DIP2C: variants seen among roughly 807,000 people sequenced by gnomAD.
DIP2C encodes the protein disco-interacting protein 2 homolog C.
Under a neutral mutation model 192.4 loss-of-function variants are expected in DIP2C, and 33 were observed. The observed-to-expected ratio is 0.17, with a 90% CI of 0.13 to 0.23. The LOEUF (loss-of-function observed/expected upper bound fraction) is 0.23. Among genes scored for constraint, DIP2C ranks in the 10% least tolerant of loss-of-function variants. DIP2C has a pLI of 1.00. For missense variants in DIP2C, 1,537 were observed against 2,110.1 expected, an observed-to-expected ratio of 0.73 and a Z score of 5.32; for synonymous variants, 979 against 864.1, an observed-to-expected ratio of 1.13 and a Z score of -2.33.
chr10:508,632 T>TG (rs1845793669), intron 1 of DIP2C, among the ~76,000 whole-genome samples: 1 of 152,114 alleles, frequency 6.6e-6, no homozygotes, highest in Non-Finnish European at 1.5e-5. Flanking sequence ...GAGTGGCTGA[T>TG]GGACAAGTGT....
intron 1 of DIP2C, among the ~76,000 whole-genome samples, chr10:558,651 G>A (rs1046701337): frequency 5.3e-5 from 8 of 152,300 alleles, no homozygotes; most frequent in East Asian, 1.9e-4. Flanking sequence ...CTGAAAGTGT[G>A]TTTCTGAGAA....
At chr10:659,600 C>T (rs1199063467) in intron 1 of DIP2C, among the ~76,000 whole-genome samples, 1 of 152,208 alleles carries the variant, frequency 6.6e-6, no homozygotes, top group Non-Finnish European at 1.5e-5. Context: ...TGCCTGAAGA[C>T]CCTCTTCTGT....
chr10:579,920 A>G (rs1378553264), intron 1 of DIP2C, among the ~76,000 whole-genome samples: 1 of 152,076 alleles, frequency 6.6e-6, no homozygotes, highest in African/African-American at 2.4e-5. Context: ...CATACAATGT[A>G]CATATAGGTA....
At chr10:387,042 T>G (rs1399774571) in intron 14 of DIP2C, among the ~76,000 whole-genome samples, 1 of 152,180 alleles carries the variant, frequency 6.6e-6, no homozygotes, top group East Asian at 1.9e-4. Flanking sequence ...TGGAAACTAC[T>G]TTCCCCCGCA....
chr10:590,829 G>A (rs566529953), intron 1 of DIP2C, among the ~76,000 whole-genome samples: 9 of 152,136 alleles, frequency 5.9e-5, no homozygotes, highest in East Asian at 5.8e-4. Flanking sequence ...GGTCTCCACC[G>A]CACCAGAGCC....
intron 1 of DIP2C, among the ~76,000 whole-genome samples, chr10:517,830 G>C (rs1211460386): frequency 6.6e-6 from 1 of 152,126 alleles, no homozygotes; most frequent in South Asian, 2.1e-4. Context: ...TTCTCATCTG[G>C]TGCTTTTTAA....
At chr10:399,382 G>A (rs897338331) in intron 9 of DIP2C, among the ~76,000 whole-genome samples, 163 bp from the exon 10 acceptor site, 12 of 152,228 alleles carry the variant, frequency 7.9e-5, no homozygotes, top group African/African-American at 2.9e-4. Context: ...TCACACACCC[G>A]GCCTTGAATT....
intron 1 of DIP2C, among the ~76,000 whole-genome samples, chr10:604,225 T>C (rs1226938803): frequency 6.6e-6 from 1 of 152,088 alleles, no homozygotes; most frequent in African/African-American, 2.4e-5. Context: ...GTAAACTTCA[T>C]TACACTAACA....
At chr10:532,509 G>A (rs750990953) in intron 1 of DIP2C, among the ~76,000 whole-genome samples, 3 of 152,034 alleles carry the variant, frequency 2.0e-5, no homozygotes, top group Admixed American at 6.6e-5. Context: ...ATTTAGAATT[G>A]GTATTTTGTG....
chr10:297,280 C>G (rs1418169247), intron 32 of DIP2C, among the ~76,000 whole-genome samples: 1 of 116,216 alleles, frequency 8.6e-6, no homozygotes, highest in African/African-American at 3.4e-5. Flanking sequence ...ACACACCAAA[C>G]TACGAACAGA....
In DIP2C at chr10:486,418, G is replaced by A. The variant is rs762786106; in HGVS notation, c.157+41C>T. On this transcript the variant is annotated intron_variant, in intron 2 of 36. Transcript: ENST00000280886. ...TGTTTCTCTGGCACATAGTGAATGC[G>A]GGAAATGAGAGGACTCATGCTACTC... 40 of 1,525,542 alleles carry A rather than the reference G, an allele frequency of 2.6e-5. No homozygotes were observed. The East Asian group carries it at 3.1e-4, about 12-fold the overall frequency. The allele number at this position is 1,525,542 out of a possible 1,614,324, so 94.5% of individuals were successfully genotyped here. A position where few individuals can be genotyped will look rare whatever the true frequency, so the allele number is the denominator to read the frequency against.
intron 17 of DIP2C, among the ~76,000 whole-genome samples, chr10:374,706 A>G (rs1326292670): frequency 1.3e-5 from 2 of 152,226 alleles, no homozygotes; most frequent in Non-Finnish European, 2.9e-5. Flanking sequence ...TCCCTGTATT[A>G]TTGAGAAACT....
chr10:647,615 C>T lies in DIP2C; in HGVS notation c.85+41879G>A, dbSNP rs927866038. Among the ~76,000 whole-genome samples, 5 of 147,286 alleles carry T rather than the reference C, an allele frequency of 3.4e-5. No individual in the cohort carries two copies. The South Asian group carries it at 8.8e-4, about 26-fold the overall frequency. On this transcript the variant is annotated intron_variant, in intron 1 of 36. Transcript: ENST00000280886. ...GAACAGAGGGAAACTGAGTCCACGT[C>T]GACATTGGATGGTGGGAGAGAACAG...
intron 22 of DIP2C, among the ~76,000 whole-genome samples, chr10:361,601 T>C (rs771679607): frequency 9.9e-5 from 15 of 152,030 alleles, no homozygotes; most frequent in Non-Finnish European, 1.9e-4. Context: ...GGGTTGAGAG[T>C]GTCTGACAAT....
chr10:633,351 C>T (rs1216283845), intron 1 of DIP2C, among the ~76,000 whole-genome samples: 3 of 152,162 alleles, frequency 2.0e-5, no homozygotes, highest in Admixed American at 6.5e-5. Context: ...GTTCACATTC[C>T]GGCGGTGCCA....
chr10:310,275 A>C (rs145570975), intron 31 of DIP2C, among the ~76,000 whole-genome samples, 183 bp from the exon 32 acceptor site: 352 of 152,358 alleles, frequency 2.3e-3, no homozygotes, highest in Non-Finnish European at 4.0e-3. Flanking sequence ...TAAATTCCAG[A>C]AGGAATATCT....
intron 3 of DIP2C, among the ~76,000 whole-genome samples, chr10:443,038 C>T (rs944370595): frequency 5.3e-5 from 8 of 152,174 alleles, no homozygotes; most frequent in African/African-American, 1.7e-4. Flanking sequence ...CAAGAGTATG[C>T]ATTTTAGCAG....
intron 1 of DIP2C, among the ~76,000 whole-genome samples, chr10:673,101 G>T (rs1321041607): frequency 6.6e-6 from 1 of 152,122 alleles, no homozygotes; most frequent in Non-Finnish European, 1.5e-5. Flanking sequence ...TCAGCTGGGA[G>T]GGGCTGCCAC....
At chr10:435,724 G>A (rs960608507) in intron 4 of DIP2C, among the ~76,000 whole-genome samples, 1 of 152,166 alleles carries the variant, frequency 6.6e-6, no homozygotes. Context: ...AGATTATCAC[G>A]TATGGAACCT....
Sources: allele counts gnomAD v4.1 joint callset (sites outside exome capture counted in the v4.1 genomes callset), GRCh38; gene constraint gnomAD v4.1.1; transcripts MANE v1.5; gene names NCBI Gene and HGNC (gene_info 2026-07-23, HGNC 2026-07-21).